Variants in EFCAB13 observed in about 807,000 individuals in gnomAD.
The protein encoded by EFCAB13 is EF-hand calcium binding domain 13.
A neutral mutation model predicts 110.2 loss-of-function variants in EFCAB13; 91 were observed. The observed-to-expected ratio is 0.83, with a 90% CI of 0.70 to 0.98. The LOEUF (loss-of-function observed/expected upper bound fraction) is 0.98. Among genes scored for constraint, EFCAB13 ranks in the 50% least tolerant of loss-of-function variants. EFCAB13 has a pLI of 0.00. For synonymous variants in EFCAB13, 323 were observed against 369.9 expected, an observed-to-expected ratio of 0.87 and a Z score of 1.45; for missense variants, 968 against 1,119.4, an observed-to-expected ratio of 0.86 and a Z score of 1.93.
Position 47,344,269 on chromosome 17 carries a change from T to C in EFCAB13, c.411T>C (p.Leu137=). The change falls in exon 7 of 25, where the codon CTT becomes CTC. Residue 137 remains leucine, a synonymous_variant. Transcript: ENST00000331493. ...QYSVHKTSSP[L]CTSSAITREK... Reference sequence around the variant, plus strand: ...GCGTTCACAAGACTTCATCACCTCTTTGTACATCTTCTGCAATTACTCGGT... The same window carrying C: ...GCGTTCACAAGACTTCATCACCTCTCTGTACATCTTCTGCAATTACTCGGT... The C allele has an allele frequency of 6.2e-7, 1 of 1,612,414 alleles. No homozygotes were observed. Among genetic ancestry groups the C allele is most frequent in the Non-Finnish European group, 8.5e-7 (1 of 1,178,862 alleles).
At chr17:47,421,178 C>T (rs1266791250) in intron 23 of EFCAB13, among the ~76,000 whole-genome samples, 2 of 151,784 alleles carry the variant, frequency 1.3e-5, no homozygotes, top group Non-Finnish European at 2.9e-5. Context: ...GCCATGATGA[C>T]AATGGCGGTT....
At chr17:47,345,451 A>G (rs763696831) in intron 8 of EFCAB13, among the ~76,000 whole-genome samples, 14 of 152,104 alleles carry the variant, frequency 9.2e-5, no homozygotes, top group Non-Finnish European at 1.0e-4. Context: ...TAAGGCTTAT[A>G]CTACCCTTCA....
In EFCAB13 at chr17:47,347,026, A is replaced by G. The variant is rs186544917; in HGVS notation, c.518-782A>G. 1.1e-4 allele frequency among the ~76,000 whole-genome samples: 17 copies of G among 152,272 alleles called. No homozygotes were observed. The East Asian group carries it at 2.7e-3, about 24-fold the overall frequency. On this transcript the variant is annotated intron_variant, in intron 8 of 24. Coordinates refer to ENST00000331493, the MANE Select transcript of EFCAB13 (RefSeq NM_152347.5). ...GTATTCCCAGCACTGCGGAAGGCCAATGTGGGAGGATCATTTGAGACTAGG... is the reference window on the plus strand; with the variant it reads ...GTATTCCCAGCACTGCGGAAGGCCAGTGTGGGAGGATCATTTGAGACTAGG...
intron 21 of EFCAB13, among the ~76,000 whole-genome samples, chr17:47,410,369 T>C (rs551983169): frequency 6.6e-6 from 1 of 152,340 alleles, no homozygotes; most frequent in East Asian, 1.9e-4. Context: ...TAATCACCTC[T>C]TATTAGGCCT....
At chr17:47,362,399 A>G (rs929125381) in intron 10 of EFCAB13, among the ~76,000 whole-genome samples, 1 of 152,152 alleles carries the variant, frequency 6.6e-6, no homozygotes, top group Non-Finnish European at 1.5e-5. Flanking sequence ...CGGTAATGCC[A>G]GCGTCTGGGA....
At chr17:47,367,775 T>C (rs1414554903) in intron 10 of EFCAB13, among the ~76,000 whole-genome samples, 1 of 152,090 alleles carries the variant, frequency 6.6e-6, no homozygotes, top group Non-Finnish European at 1.5e-5. Flanking sequence ...TAACCAGTCC[T>C]CTCATCAAGA....
intron 22 of EFCAB13, among the ~76,000 whole-genome samples, chr17:47,414,531 A>T (rs1402683332): frequency 6.7e-6 from 1 of 150,362 alleles, no homozygotes; most frequent in African/African-American, 2.4e-5. Context: ...AAAAAAAAAT[A>T]GGCATGCGAA....
At chr17:47,336,374 C>T (rs2065350685) in intron 5 of EFCAB13, among the ~76,000 whole-genome samples, 1 of 151,268 alleles carries the variant, frequency 6.6e-6, no homozygotes, top group African/African-American at 2.4e-5. Flanking sequence ...TCACTGCAAG[C>T]TGCGCCTCCT....
In EFCAB13 at chr17:47,440,577, C is replaced by T. The variant is rs1169034755; in HGVS notation, c.2785C>T (p.Gln929Ter). 2.5e-6 allele frequency: 4 copies of T among 1,613,128 alleles called. No homozygotes were observed. Among genetic ancestry groups the T allele is most frequent in the African/African-American group, 2.7e-5 (2 of 74,968 alleles). The change falls in exon 25 of 25, where the codon CAG (glutamine) becomes TAG (stop). Residue 929 changes from glutamine to a stop codon, truncating the protein, a stop_gained. Transcript: ENST00000331493. LOFTEE classifies it high-confidence loss of function. Reference sequence around the variant, plus strand: ...AGTGGTTTACATGTTAAAAACAATACAGGATTCGATAGTTAAAGCACAGGT... The same window carrying T: ...AGTGGTTTACATGTTAAAAACAATATAGGATTCGATAGTTAAAGCACAGGT... ...QAVVYMLKTI[Q>*]DSIVKAQVSK...
chr17:47,332,261 T>C (rs2065323731), intron 4 of EFCAB13, among the ~76,000 whole-genome samples: 1 of 152,162 alleles, frequency 6.6e-6, no homozygotes, highest in Non-Finnish European at 1.5e-5. Flanking sequence ...GCCATTCTTT[T>C]TTCTTAATTG....
At position 47,431,942 on chromosome 17, in the gene EFCAB13, C is replaced by A. The variant is rs1450640607; in HGVS notation, c.2638+1981C>A. On this transcript the variant is annotated intron_variant, in intron 24 of 24. Transcript: ENST00000331493. This position sits in a 1 kb window ranked among gnomAD's most constrained non-coding sequence, Gnocchi z 4.1. The stretch of plus-strand genomic sequence containing the variant: ...CAGTGTTTGCTGTCTATAGTTTTAG[C>A]CCATGTTGTTAACATGCTGACTTAG... 6.6e-6 allele frequency among the ~76,000 whole-genome samples: 1 copy of A among 152,106 alleles called. No individual in the cohort carries two copies. Among genetic ancestry groups the A allele is most frequent in the African/African-American group, 2.4e-5 (1 of 41,398 alleles).
intron 14 of EFCAB13, among the ~76,000 whole-genome samples, chr17:47,380,123 C>T (rs1054319322): frequency 6.6e-6 from 1 of 152,164 alleles, no homozygotes; most frequent in Non-Finnish European, 1.5e-5. Context: ...GATACATGTG[C>T]AGAACGTGCA....
intron 10 of EFCAB13, among the ~76,000 whole-genome samples, chr17:47,367,502 GAGA>G (rs1312343195): frequency 3.3e-5 from 5 of 152,310 alleles, no homozygotes; most frequent in Admixed American, 3.3e-4. Flanking sequence ...GACGCCGGCA[GAGA>G]AGGAGCCGGG....
chr17:47,399,082 CTGGCT>C (rs1457159708), intron 17 of EFCAB13, among the ~76,000 whole-genome samples: 1 of 152,044 alleles, frequency 6.6e-6, no homozygotes, highest in Non-Finnish European at 1.5e-5. Context: ...AGCACTGTGC[CTGGCT>C]AATTTTTTGT....
chr17:47,408,300 A>T (rs1448894285), intron 20 of EFCAB13, among the ~76,000 whole-genome samples: 1 of 152,230 alleles, frequency 6.6e-6, no homozygotes, highest in Non-Finnish European at 1.5e-5. Context: ...GTACTGAGAT[A>T]GAGTTTACCC....
intron 18 of EFCAB13, among the ~76,000 whole-genome samples, chr17:47,403,572 A>C (rs1483764813): frequency 6.6e-6 from 1 of 152,224 alleles, no homozygotes; most frequent in Admixed American, 6.5e-5. Context: ...CTGATGAGTT[A>C]ATTTTATTTG....
In EFCAB13 at chr17:47,347,920, G is replaced by A; in HGVS notation, c.630G>A (p.Met210Ile). The A allele has an allele frequency of 2.6e-6, 4 of 1,536,274 alleles. No individual in the cohort carries two copies. The highest frequency in any genetic ancestry group is 2.6e-5 in the South Asian group (2 of 76,850). ...ILRISISDLE[M>I]RQALKTVDID... is the part of the protein sequence containing the mutation. ...GAATTTCTATAAGTGATTTAGAAAT[G>A]CGACAGGCACTAAAGACTGTTGATA... Residue 210 changes from methionine (M) to isoleucine (I), a missense_variant, in exon 9 of 25, where the codon ATG becomes ATA. Transcript: ENST00000331493.
intron 13 of EFCAB13, 22 bp downstream of exon 13, chr17:47,377,925 A>G (rs1344240245): frequency 6.4e-7 from 1 of 1,551,324 alleles, no homozygotes; most frequent in Admixed American, 2.3e-5. Context: ...ATAACACTGA[A>G]GTTTCTGAGA....
chr17:47,344,997 A>T lies in EFCAB13; in HGVS notation c.435-19A>T. 1 of 1,582,734 alleles carries T rather than the reference A, an allele frequency of 6.3e-7. No homozygotes were observed. On this transcript the variant is annotated intron_variant, in intron 7 of 24. Coordinates refer to ENST00000331493, the MANE Select transcript of EFCAB13 (RefSeq NM_152347.5). ...CATATTTTCATTGCCACTTTCTAAT[A>T]TGGCTGTTTCTTTGACAGGGAAAAG... is the stretch of plus-strand genomic sequence containing the variant.
Sources: allele counts gnomAD v4.1 joint callset (sites outside exome capture counted in the v4.1 genomes callset), GRCh38; gene constraint gnomAD v4.1.1; non-coding constraint Gnocchi (gnomAD v3.1); transcripts MANE v1.5; gene names NCBI Gene and HGNC (gene_info 2026-07-23, HGNC 2026-07-21).